Variants in EHBP1L1 observed in about 807,000 individuals in gnomAD.
The protein encoded by EHBP1L1 is EH domain binding protein 1 like 1.
Under a neutral mutation model 151.1 loss-of-function variants are expected in EHBP1L1, and 122 were observed. The ratio of observed to expected loss-of-function variants is 0.81; its 90% CI spans 0.70 to 0.94. EHBP1L1 has a LOEUF of 0.94. EHBP1L1 is among the 40% of genes least tolerant of loss of function. The pLI, the probability that EHBP1L1 is intolerant of heterozygous loss-of-function variation, is 0.00. For missense variants in EHBP1L1, 1,941 were observed against 1,959.8 expected, an observed-to-expected ratio of 0.99 and a Z score of 0.18; for synonymous variants, 878 against 810.1, an observed-to-expected ratio of 1.08 and a Z score of -1.42.
At position 65,583,297 on chromosome 11, in the gene EHBP1L1, G is replaced by A. The variant is rs769928033; in HGVS notation, c.2625G>A (p.Glu875=). 1.2e-6 allele frequency: 2 copies of A among 1,613,702 alleles called. No homozygotes were observed. The highest frequency in any genetic ancestry group is 1.1e-5 in the South Asian group (1 of 91,086). Residue 875 remains glutamate, a synonymous_variant, in exon 9 of 19, where the codon GAG becomes GAA. Transcript: ENST00000309295. Reference sequence around the variant, plus strand: ...GTAAGACAGAAATTATAGTTCCAGAGGCTGAGAAGGAAGAGGCTCAGACTT... The same window carrying A: ...GTAAGACAGAAATTATAGTTCCAGAAGCTGAGAAGGAAGAGGCTCAGACTT... ...MTRKTEIIVP[E]AEKEEAQTSG...
chr11:65,584,062 G>A, intron 9 of EHBP1L1, 179 bp from the exon 10 acceptor site: 2 of 1,434,522 alleles, frequency 1.4e-6, no homozygotes, highest in Non-Finnish European at 9.1e-7. Context: ...AGGTGACCTT[G>A]GCAGATAACC....
Position 65,585,737 on chromosome 11 carries a change from C to A in EHBP1L1, c.3933+146C>A. On this transcript the variant is annotated intron_variant, in intron 12 of 18. Transcript: ENST00000309295. The surrounding 1 kb of genome is among the most constrained non-coding windows in gnomAD (Gnocchi z 4.0). ...CAGAGTGGCGGGGCTCGGCTGGACC[C>A]AGGAGGGGCTATCTGATCAGAGGGA... 7.6e-7 allele frequency: 1 copy of A among 1,318,786 alleles called. No individual in the cohort carries two copies. The highest frequency in any genetic ancestry group is 1.0e-6 in the Non-Finnish European group (1 of 972,534). The allele number at this position is 1,318,786 out of a possible 1,614,324, so 81.7% of individuals were successfully genotyped here. A position where few individuals can be genotyped will look rare whatever the true frequency, so the allele number is the denominator to read the frequency against.
chr11:65,579,054 T>TCCCTCCCCTTCC, intron 1 of EHBP1L1, 24 bp from the exon 2 acceptor site: 1 of 1,565,746 alleles, frequency 6.4e-7, no homozygotes, highest in Non-Finnish European at 8.7e-7. Flanking sequence ...GCTCCCTTTC[T>TCCCTCCCCTTCC]CCCTCCCCTT....
At position 65,585,977 on chromosome 11, in the gene EHBP1L1, C is replaced by CTGGTTTTGGTAGGCTGCCCAGTGCT. The variant is rs1857949368; in HGVS notation, c.3933+389_3933+390insTTTTGGTAGGCTGCCCAGTGCTTGG. On this transcript the variant is annotated intron_variant, in intron 12 of 18. Transcript: ENST00000309295. This position sits in a 1 kb window ranked among gnomAD's most constrained non-coding sequence, Gnocchi z 4.0. ...GGCACTCTGCCCAGTGCTTGGTAGG[C>CTGGTTTTGGTAGGCTGCCCAGTGCT]TGGAAGGTGGGTTTGGGCATTTCTT... Among the ~76,000 whole-genome samples, 1 of 152,210 alleles carries CTGGTTTTGGTAGGCTGCCCAGTGCT rather than the reference C, an allele frequency of 6.6e-6. No homozygotes were observed. The highest frequency in any genetic ancestry group is 2.4e-5 in the African/African-American group (1 of 41,464).
chr11:65,582,750 C>A lies in EHBP1L1; in HGVS notation c.2078C>A (p.Thr693Lys). ...GDLGPLKIED[T>K]IQSEMLGTQE... ...TTAGGGCCACTGAAGATAGAAGATA[C>A]AATACAGTCTGAGATGCTGGGGACC... Residue 693 changes from threonine (T) to lysine (K), a missense_variant, in exon 9 of 19, where the codon ACA (threonine) becomes AAA (lysine). Thr to Lys is a moderately conservative substitution (Grantham distance 78, BLOSUM62 -1). Coordinates refer to ENST00000309295, the MANE Select transcript of EHBP1L1 (RefSeq NM_001099409.3). 6.2e-7 allele frequency: 1 copy of A among 1,613,564 alleles called. No homozygotes were observed. The highest frequency in any genetic ancestry group is 8.5e-7 in the Non-Finnish European group (1 of 1,179,826).
Position 65,576,110 on chromosome 11 carries a change from G to T in EHBP1L1, c.-193G>T. The T allele has an allele frequency of 2.7e-6, 1 of 367,446 alleles. No individual in the cohort carries two copies. Among genetic ancestry groups the T allele is most frequent in the African/African-American group, 2.1e-5 (1 of 46,966 alleles). 22.8% of individuals were successfully genotyped at this position (367,446 alleles called of 1,614,324 possible). A position where few individuals can be genotyped will look rare whatever the true frequency, so the allele number is the denominator to read the frequency against. The stretch of plus-strand genomic sequence containing the variant: ...CACCCGACGCGCCCCAGGCGACCCC[G>T]CAGACTCAGCCAGACCACCCTGCGG... On this transcript the variant is annotated 5_prime_UTR_variant, in exon 1 of 19. Transcript: ENST00000309295.
In EHBP1L1 at chr11:65,584,304, G is replaced by A; in HGVS notation, c.3157G>A (p.Gly1053Ser). The change falls in exon 10 of 19, where the codon GGC (glycine) becomes AGC (serine). Residue 1053 changes from glycine to serine, a missense_variant. Coordinates refer to ENST00000309295, the MANE Select transcript of EHBP1L1 (RefSeq NM_001099409.3). ...GGAGTGGTGCCAGGAAGTCACCACT[G>A]GCTACCGTGGCGTCCGCATCACCAA... ...LLEWCQEVTTGYRGVRITNFT... is the reference protein window; with the variant it reads ...LLEWCQEVTTSYRGVRITNFT... 1 of 1,611,470 alleles carries A rather than the reference G, an allele frequency of 6.2e-7. No homozygotes were observed. The highest frequency in any genetic ancestry group is 1.3e-5 in the African/African-American group (1 of 74,902).
At position 65,585,028 on chromosome 11, in the gene EHBP1L1, G is replaced by A. The variant is rs1212603365; in HGVS notation, c.3370G>A (p.Val1124Met). 6.5e-7 allele frequency: 1 copy of A among 1,536,924 alleles called. No homozygotes were observed. ...GCCCGCGGACATGGTGCTACTGTCGGTGCCCGACAAGCTCATCGTCATGAC... is the reference window on the plus strand; with the variant it reads ...GCCCGCGGACATGGTGCTACTGTCGATGCCCGACAAGCTCATCGTCATGAC... ...LEPADMVLLS[V>M]PDKLIVMTYL... Residue 1124 changes from valine (V) to methionine (M), a missense_variant, in exon 12 of 19, where the codon GTG becomes ATG. Transcript: ENST00000309295. The surrounding 1 kb of genome is among the most constrained non-coding windows in gnomAD (Gnocchi z 4.0).
chr11:65,584,522 GAAC>G lies in EHBP1L1; in HGVS notation c.3294_3296del (p.Asn1098del), dbSNP rs766565329. ...CGCTAGACCCACTCAACATCAAGCA[GAAC>G]AACAAGCAGGTGAGATGGGGTGGGG... On this transcript the variant is annotated inframe_deletion, in exon 11 of 19. Coordinates refer to ENST00000309295, the MANE Select transcript of EHBP1L1 (RefSeq NM_001099409.3). The G allele has an allele frequency of 1.1e-5, 18 of 1,612,000 alleles. No homozygotes were observed. In the South Asian group the frequency reaches 1.3e-4, roughly 12 times the overall value.
At position 65,582,326 on chromosome 11, in the gene EHBP1L1, G is replaced by T; in HGVS notation, c.1654G>T (p.Ala552Ser). 6.4e-7 allele frequency: 1 copy of T among 1,550,586 alleles called. No individual in the cohort carries two copies. Among genetic ancestry groups the T allele is most frequent in the South Asian group, 1.2e-5 (1 of 80,856 alleles). ...GGCCCTGTTATCAACTGCCCAGGGG[G>T]CAATATCCAGGGGTCTGGGAGGCTG... ...QGALLSTAQG[A>S]ISRGLGGWEA... Residue 552 changes from alanine (A) to serine (S), a missense_variant, in exon 9 of 19, where the codon GCA becomes TCA. Transcript: ENST00000309295.
rs1205111631 is a variant in EHBP1L1 at position 65,584,278 on chromosome 11, T to C, written c.3131T>C (p.Leu1044Pro). 1 of 1,611,936 alleles carries C rather than the reference T, an allele frequency of 6.2e-7. No homozygotes were observed. The highest frequency in any genetic ancestry group is 1.3e-5 in the African/African-American group (1 of 74,914). The change falls in exon 10 of 19, where the codon CTG (leucine) becomes CCG (proline). Residue 1044 changes from leucine (L) to proline (P), a missense_variant. Physicochemically the swap from Leu to Pro is moderately conservative, Grantham distance 98 (BLOSUM62 -3). Transcript: ENST00000309295. ...PALVSSSQSL[L>P]EWCQEVTTGY... ...CTGGTCAGCTCCAGCCAGTCCCTGC[T>C]GGAGTGGTGCCAGGAAGTCACCACT...
chr11:65,592,426 G>A lies in EHBP1L1; in HGVS notation c.*124G>A. The stretch of plus-strand genomic sequence containing the variant: ...CGCGTGTCCGCTAGGGGCCGCCGGC[G>A]CCCTTCCCCGTACAGGGCAGGGCGG... On this transcript the variant is annotated 3_prime_UTR_variant, in exon 19 of 19. Coordinates refer to ENST00000309295, the MANE Select transcript of EHBP1L1 (RefSeq NM_001099409.3). The A allele has an allele frequency of 1.5e-6, 1 of 673,472 alleles. No homozygotes were observed. Among genetic ancestry groups the A allele is most frequent in the Non-Finnish European group, 1.9e-6 (1 of 526,916 alleles). The allele number at this position is 673,472 out of a possible 1,614,324, so 41.7% of individuals were successfully genotyped here. A position where few individuals can be genotyped will look rare whatever the true frequency, so the allele number is the denominator to read the frequency against.
chr11:65,588,466 T>C (rs1858090757), intron 12 of EHBP1L1, among the ~76,000 whole-genome samples: 1 of 151,806 alleles, frequency 6.6e-6, no homozygotes, highest in Admixed American at 6.6e-5. Context: ...TCAGCTTGAG[T>C]CAGCAGGCAG....
At chr11:65,588,962 T>TG (rs1858116664) in intron 12 of EHBP1L1, among the ~76,000 whole-genome samples, 1 of 151,786 alleles carries the variant, frequency 6.6e-6, no homozygotes, top group South Asian at 2.1e-4. Context: ...GGGAGCCTGG[T>TG]GGGGCCTCTG....
rs1267557951 is a variant in EHBP1L1, at chr11:65,592,515, C to G, written c.*213C>G. The G allele has an allele frequency of 4.5e-6, 1 of 220,100 alleles. No homozygotes were observed. The highest frequency in any genetic ancestry group is 2.4e-5 in the African/African-American group (1 of 42,458). The allele number at this position is 220,100 out of a possible 1,614,324, so 13.6% of individuals were successfully genotyped here. A position where few individuals can be genotyped will look rare whatever the true frequency, so the allele number is the denominator to read the frequency against. On this transcript the variant is annotated 3_prime_UTR_variant, in exon 19 of 19. Coordinates refer to ENST00000309295, the MANE Select transcript of EHBP1L1 (RefSeq NM_001099409.3). ...TTGTCACCGAGGGTGTGTGCGCGCT[C>G]GCGGCGGGTGCGGGGTCCTCCCCGA...
At chr11:65,584,572 G>A (rs1342740708) in intron 11 of EHBP1L1, 38 bp downstream of exon 11, 1 of 1,598,936 alleles carries the variant, frequency 6.3e-7, no homozygotes, top group Middle Eastern at 1.7e-4. Flanking sequence ...GGGAAGGAGG[G>A]TCTGGAGAGC....
At chr11:65,584,868 C>T in intron 11 of EHBP1L1, 91 bp from the exon 12 acceptor site, 1 of 1,474,982 alleles carries the variant, frequency 6.8e-7, no homozygotes, top group South Asian at 1.3e-5. Flanking sequence ...GGGTGCCAAT[C>T]CCGGGGACCC....
Position 65,590,491 on chromosome 11 carries a change from A to G in EHBP1L1, c.4184-2A>G, listed in dbSNP as rs1255739930. The G allele has an allele frequency of 6.2e-7, 1 of 1,612,900 alleles. No individual in the cohort carries two copies. Among genetic ancestry groups the G allele is most frequent in the Non-Finnish European group, 8.5e-7 (1 of 1,179,720 alleles). ...CCTGGTGACTGTCCCTGTCCAATGCAGGTGCCAACAAGCTGCAGGAGGAGG... is the reference window on the plus strand; with the variant it reads ...CCTGGTGACTGTCCCTGTCCAATGCGGGTGCCAACAAGCTGCAGGAGGAGG... On this transcript the variant is annotated splice_acceptor_variant, in intron 15 of 18. Coordinates refer to ENST00000309295, the MANE Select transcript of EHBP1L1 (RefSeq NM_001099409.3). LOFTEE classifies it high-confidence loss of function.
In EHBP1L1 at chr11:65,580,410, G is replaced by A; in HGVS notation, c.565G>A (p.Ala189Thr). The change falls in exon 6 of 19, where the codon GCT (alanine) becomes ACT (threonine). Residue 189 changes from alanine (A) to threonine (T), a missense_variant. Physicochemically the swap from Ala to Thr is moderately conservative, Grantham distance 58. Coordinates refer to ENST00000309295, the MANE Select transcript of EHBP1L1 (RefSeq NM_001099409.3). Reference sequence around the variant, plus strand: ...TGATGTGGGCAACTTGGATGACTTTGCTGAGAGTGATGAAGATGAGGCTCA... The same window carrying A: ...TGATGTGGGCAACTTGGATGACTTTACTGAGAGTGATGAAGATGAGGCTCA... ...PSDVGNLDDFAESDEDEAHGP... is the reference protein window; with the variant it reads ...PSDVGNLDDFTESDEDEAHGP... 6.2e-7 allele frequency: 1 copy of A among 1,613,732 alleles called. No individual in the cohort carries two copies.
Sources: allele counts gnomAD v4.1 joint callset (sites outside exome capture counted in the v4.1 genomes callset), GRCh38; gene constraint gnomAD v4.1.1; non-coding constraint Gnocchi (gnomAD v3.1); transcripts MANE v1.5; gene names NCBI Gene and HGNC (gene_info 2026-07-23, HGNC 2026-07-21).